The following ZNF124 variants were observed in gnomAD, a reference collection of about 807,000 sequenced individuals.
ZNF124 encodes zinc finger protein HZF-16.
ZNF124 carries 25 observed loss-of-function variants against 26.6 expected under a neutral mutation model. The ratio of observed to expected loss-of-function variants is 0.94; its 90% CI spans 0.68 to 1.31. ZNF124 has a LOEUF of 1.31. Among genes scored for constraint, ZNF124 ranks in the 40% most tolerant of loss-of-function variants. The pLI is 0.00. For synonymous variants in ZNF124, 129 were observed against 133.3 expected (o/e 0.97, Z 0.22); for missense variants, 444 against 422.2 (o/e 1.05, Z -0.45).
In ZNF124 at chr1:247,156,506, A is replaced by G; in HGVS notation, c.*60T>C. ...GTACTTTCCTACACCTTACATTCAC[A>G]GTTTCTCTCAAGTATGTGACTGTTC... On this transcript the variant is annotated 3_prime_UTR_variant, in exon 4 of 4. Coordinates refer to ENST00000543802, the MANE Select transcript of ZNF124 (RefSeq NM_001297568.2). The G allele has an allele frequency of 2.0e-6, 3 of 1,463,594 alleles. No individual in the cohort carries two copies. The highest frequency in any genetic ancestry group is 2.7e-6 in the Non-Finnish European group (3 of 1,108,702). The allele number at this position is 1,463,594 out of a possible 1,614,324, so 90.7% of individuals were successfully genotyped here.
At chr1:247,122,623 G>A (rs544300813) in exon 4 of ZNF124, 3 of 152,354 alleles carry the variant, frequency 2.0e-5, no homozygotes, top group African/African-American at 7.2e-5. Flanking sequence ...GCACACTTCA[G>A]CCTCAAACTC....
chr1:247,151,835 CAACATGCAG>C (rs150225930), downstream of ZNF124, among the ~76,000 whole-genome samples: 27,314 of 150,206 alleles, frequency 0.18, 2,642 homozygotes, highest in Middle Eastern at 0.31. Context: ...AAAACCAAAA[CAACATGCAG>C]AATTACCGAA....
chr1:247,136,006 G>A (rs762966635), intron 3 of ZNF124, among the ~76,000 whole-genome samples: 1 of 151,988 alleles, frequency 6.6e-6, no homozygotes, highest in Non-Finnish European at 1.5e-5. Flanking sequence ...CTCAATCAAC[G>A]AGGTATTGAT....
intron 3 of ZNF124, among the ~76,000 whole-genome samples, chr1:247,142,933 AAG>A (rs1374922694): frequency 2.6e-5 from 4 of 151,168 alleles, no homozygotes; most frequent in South Asian, 2.1e-4. Context: ...ATGTAGAAAA[AAG>A]AAAATTATTT....
chr1:247,154,139 TAA>T, downstream of ZNF124, among the ~76,000 whole-genome samples: 1 of 151,938 alleles, frequency 6.6e-6, no homozygotes, highest in Non-Finnish European at 1.5e-5. Flanking sequence ...CACACAGATA[TAA>T]GTTGGCTCCG....
At chr1:247,146,506 T>G (rs1053287199) in intron 3 of ZNF124, among the ~76,000 whole-genome samples, 2 of 152,186 alleles carry the variant, frequency 1.3e-5, no homozygotes, top group Admixed American at 6.5e-5. Context: ...TTCACATTAG[T>G]GTAACCTGCA....
At chr1:247,125,221 A>G (rs1672180084) in intron 3 of ZNF124, among the ~76,000 whole-genome samples, 2 of 152,000 alleles carry the variant, frequency 1.3e-5, no homozygotes, top group Admixed American at 1.3e-4. Flanking sequence ...TGCTGTGAAC[A>G]TTTGTGTACT....
exon 4 of ZNF124, chr1:247,122,625 C>T (rs1211579997): frequency 6.6e-6 from 1 of 152,256 alleles, no homozygotes; most frequent in Non-Finnish European, 1.5e-5. Flanking sequence ...ACACTTCAGC[C>T]TCAAACTCGT....
At chr1:247,151,255 G>A (rs113229444), downstream of ZNF124, among the ~76,000 whole-genome samples, 20,195 of 151,974 alleles carry the variant, frequency 0.13, 1,888 homozygotes, top group African/African-American at 0.25. Context: ...CGAGGCGGGC[G>A]GATCATGAGG....
chr1:247,168,210 A>C lies in ZNF124; in HGVS notation c.30+3638T>G, dbSNP rs1026493613. 2.1e-4 allele frequency among the ~76,000 whole-genome samples: 32 copies of C among 152,208 alleles called. No homozygotes were observed. The highest frequency in any genetic ancestry group is 2.0e-3 in the Admixed American group (30 of 15,288). The stretch of plus-strand genomic sequence containing the variant: ...CCAGCAATGCCACTACTGGGTATGT[A>C]CCCAAAGGAAAAGAAGTCATTATAT... On this transcript the variant is annotated intron_variant, in intron 1 of 3. Coordinates refer to ENST00000543802, the MANE Select transcript of ZNF124 (RefSeq NM_001297568.2). This position sits in a 1 kb window ranked among gnomAD's most constrained non-coding sequence, Gnocchi z 4.0.
chr1:247,151,574 G>A (rs951065603), downstream of ZNF124, among the ~76,000 whole-genome samples: 1 of 151,524 alleles, frequency 6.6e-6, no homozygotes, highest in Non-Finnish European at 1.5e-5. Context: ...CAAGTAAAAA[G>A]TGGTACAATT....
intron 3 of ZNF124, among the ~76,000 whole-genome samples, chr1:247,131,375 CAG>C (rs761434464): frequency 3.3e-5 from 5 of 152,212 alleles, no homozygotes; most frequent in Non-Finnish European, 7.3e-5. Context: ...CTGGAACGCC[CAG>C]ATTCTTACAG....
At chr1:247,170,504 TAATTA>T (rs1674046834) in intron 1 of ZNF124, among the ~76,000 whole-genome samples, 1 of 147,324 alleles carries the variant, frequency 6.8e-6, no homozygotes, top group East Asian at 2.0e-4. Context: ...CTTGTGGAAA[TAATTA>T]AATAGGAAGA....
chr1:247,157,971 C>T (rs1031466770), intron 3 of ZNF124, among the ~76,000 whole-genome samples: 2 of 148,940 alleles, frequency 1.3e-5, no homozygotes, highest in African/African-American at 5.0e-5. Flanking sequence ...AAAAAATGGT[C>T]GGGCATGGTG....
chr1:247,130,687 T>C (rs866776688), intron 3 of ZNF124, among the ~76,000 whole-genome samples: 1 of 152,246 alleles, frequency 6.6e-6, no homozygotes, highest in Non-Finnish European at 1.5e-5. Context: ...AGGTATGAAA[T>C]GTAAGTGCCT....
Position 247,156,076 on chromosome 1 carries a change from C to T in ZNF124, c.*490G>A. ...ATATTTACATTTACAGGATTTATTT[C>T]CAGTGGGAGTTTTCACATGACCTTT... On this transcript the variant is annotated 3_prime_UTR_variant, in exon 4 of 4. Transcript: ENST00000543802. 4.1e-6 allele frequency: 4 copies of T among 976,026 alleles called. No individual in the cohort carries two copies. The highest frequency in any genetic ancestry group is 4.9e-6 in the Non-Finnish European group (4 of 821,480). 60.5% of individuals were successfully genotyped at this position (976,026 alleles called of 1,614,324 possible). A position where few individuals can be genotyped will look rare whatever the true frequency, so the allele number is the denominator to read the frequency against.
downstream of ZNF124, among the ~76,000 whole-genome samples, chr1:247,152,131 T>C (rs1450317200): frequency 1.3e-5 from 2 of 150,196 alleles, no homozygotes; most frequent in African/African-American, 2.4e-5. Context: ...GCTATCCACT[T>C]AGGACATGTG....
intron 3 of ZNF124, among the ~76,000 whole-genome samples, chr1:247,134,794 A>G (rs541018064): frequency 7.4e-4 from 113 of 152,358 alleles, no homozygotes; most frequent in Non-Finnish European, 1.4e-3. Context: ...TCAATAGAAT[A>G]TACATTCTTC....
At chr1:247,150,926 A>C (rs150176402), downstream of ZNF124, among the ~76,000 whole-genome samples, 428 of 152,162 alleles carry the variant, frequency 2.8e-3, 5 homozygotes, top group African/African-American at 9.8e-3. Context: ...GCTTATTAAA[A>C]TACAGAAAGA....
Sources: allele counts gnomAD v4.1 joint callset (sites outside exome capture counted in the v4.1 genomes callset), GRCh38; gene constraint gnomAD v4.1.1; non-coding constraint Gnocchi (gnomAD v3.1); transcripts MANE v1.5; gene names NCBI Gene and HGNC (gene_info 2026-07-23, HGNC 2026-07-21).